MYO19: variants seen among roughly 807,000 people sequenced by gnomAD.
MYO19 encodes unconventional myosin-XIX.
MYO19 carries 132 observed loss-of-function variants against 129.2 expected under a neutral mutation model. The observed-to-expected ratio is 1.02, with a 90% CI of 0.89 to 1.18. The LOEUF is 1.18. Among genes scored for constraint, MYO19 ranks in the 50% most tolerant of loss-of-function variants. MYO19 has a pLI of 0.00. For missense variants in MYO19, 1,210 were observed against 1,216.7 expected (o/e 0.99, Z 0.08); for synonymous variants, 531 against 477.2 (o/e 1.11, Z -1.47).
intron 23 of MYO19, chr17:36,500,575 A>G: frequency 2.0e-6 from 1 of 490,234 alleles, no homozygotes; most frequent in Non-Finnish European, 3.5e-6. Flanking sequence ...AAGGAATTAA[A>G]GACAACGCTT....
intron 11 of MYO19, chr17:36,512,641 TTC>T: frequency 7.8e-7 from 1 of 1,288,786 alleles, no homozygotes; most frequent in Non-Finnish European, 1.0e-6. Context: ...GGTACTGTCC[TTC>T]TGTCAAGTTC....
chr17:36,531,444 C>A (rs1238244026), intron 3 of MYO19, among the ~76,000 whole-genome samples: 2 of 148,212 alleles, frequency 1.3e-5, no homozygotes, highest in African/African-American at 2.5e-5. Context: ...GCAAAAGGAG[C>A]ATAAAAATCC....
At position 36,513,454 on chromosome 17, in the gene MYO19, G is replaced by A. The variant is rs1393613523; in HGVS notation, c.869C>T (p.Thr290Ile). The A allele has an allele frequency of 1.2e-6, 2 of 1,614,054 alleles. No homozygotes were observed. Among genetic ancestry groups the A allele is most frequent in the South Asian group, 2.2e-5 (2 of 91,086 alleles). ...REAMLHLGID[T>I]PTQNNIFKVL... ...CTTAAAGATGTTGTTCTGGGTAGGGGTGTCAATGCCCAAATGGAGCATGGC... is the reference window on the plus strand; with the variant it reads ...CTTAAAGATGTTGTTCTGGGTAGGGATGTCAATGCCCAAATGGAGCATGGC... The change falls in exon 11 of 26, where the codon ACC (threonine) becomes ATC (isoleucine). Residue 290 changes from threonine (T) to isoleucine (I), a missense_variant. Physicochemically the swap from Thr to Ile is moderately conservative, Grantham distance 89. Transcript: ENST00000614623.
At position 36,507,788 on chromosome 17, in the gene MYO19, C is replaced by T. The variant is rs779717578; in HGVS notation, c.1353+15G>A. 3 of 1,594,520 alleles carry T rather than the reference C, an allele frequency of 1.9e-6. No homozygotes were observed. The highest frequency in any genetic ancestry group is 2.6e-6 in the Non-Finnish European group (3 of 1,168,898). ...CCAAAAGAAGGACCTGCCTCCTGCT[C>T]ACCCCATCCCTCACCTGCTGGGCCC... On this transcript the variant is annotated intron_variant, in intron 15 of 25. Coordinates refer to ENST00000614623, the MANE Select transcript of MYO19 (RefSeq NM_001163735.2).
intron 6 of MYO19, among the ~76,000 whole-genome samples, chr17:36,523,184 A>G (rs1269792247): frequency 5.9e-4 from 3 of 5,098 alleles, no homozygotes; most frequent in Non-Finnish European, 1.9e-3. Flanking sequence ...CCCTGTCTCA[A>G]AAAAAAAAAA....
At chr17:36,500,785 C>T (rs752773658) in intron 23 of MYO19, 45 bp downstream of exon 23, 1 of 1,572,068 alleles carries the variant, frequency 6.4e-7, no homozygotes, top group Non-Finnish European at 8.6e-7. Flanking sequence ...AACCAACATC[C>T]TGTGGGGTCT....
At chr17:36,503,838 CTT>C in intron 20 of MYO19, 110 bp downstream of exon 20, 1 of 895,586 alleles carries the variant, frequency 1.1e-6, no homozygotes, top group East Asian at 3.0e-5. Context: ...AGACCAGCCT[CTT>C]TCTCTTCATT....
Position 36,514,497 on chromosome 17 carries a change from A to G in MYO19, c.669T>C (p.Thr223=). ...AAVQTYLLEK[T]RVACQASSER... ...CACTGGAAGCCTGGCAGGCCACTCG[A>G]GTTTTCTCTAGGAGGTAGGTCTGGA... Residue 223 remains threonine, a synonymous_variant, in exon 9 of 26, where the codon ACT becomes ACC. Transcript: ENST00000614623. 6.2e-7 allele frequency: 1 copy of G among 1,613,662 alleles called. No individual in the cohort carries two copies. Among genetic ancestry groups the G allele is most frequent in the Non-Finnish European group, 8.5e-7 (1 of 1,179,668 alleles).
In MYO19 at chr17:36,510,786, C is replaced by T; in HGVS notation, c.1117G>A (p.Asp373Asn). ...FRKPCARAECDTRRDCLAKLI... is the reference protein window; with the variant it reads ...FRKPCARAECNTRRDCLAKLI... ...TTGGCCAGGCAGTCTCTACGGGTGT[C>T]ACACTCGGCTCGGGCGCAGGGCTTC... The change falls in exon 13 of 26, where the codon GAC becomes AAC. Residue 373 changes from aspartate to asparagine, a missense_variant. Physicochemically the swap from Asp to Asn is conservative, Grantham distance 23. Transcript: ENST00000614623. The T allele has an allele frequency of 1.2e-6, 2 of 1,607,232 alleles. No homozygotes were observed. Among genetic ancestry groups the T allele is most frequent in the Non-Finnish European group, 1.7e-6 (2 of 1,176,934 alleles).
In MYO19 at chr17:36,509,017, T is replaced by C. The variant is rs962310971; in HGVS notation, c.1231+45A>G. The C allele has an allele frequency of 3.2e-6, 5 of 1,563,866 alleles. No homozygotes were observed. In the East Asian group the frequency reaches 6.8e-5, roughly 21 times the overall value. On this transcript the variant is annotated intron_variant, in intron 14 of 25. Coordinates refer to ENST00000614623, the MANE Select transcript of MYO19 (RefSeq NM_001163735.2). ...TCCTGCCTCTCCATCCAGGGCTTTA[T>C]TGCTCTTTTTCTGGAGTGCTCCCAG...
intron 13 of MYO19, 82 bp from the exon 14 acceptor site, chr17:36,509,217 GC>G: frequency 1.4e-5 from 18 of 1,259,976 alleles, no homozygotes; most frequent in Non-Finnish European, 1.8e-5. Flanking sequence ...CCATCAGGGT[GC>G]TACACCCTGG....
intron 6 of MYO19, among the ~76,000 whole-genome samples, chr17:36,518,103 AG>A (rs1353107357): frequency 8.2e-4 from 124 of 151,186 alleles, no homozygotes; most frequent in Non-Finnish European, 2.8e-4. Flanking sequence ...AAAAAAAAAA[AG>A]AGGTAATGAA....
At chr17:36,515,010 A>T in intron 8 of MYO19, 103 bp downstream of exon 8, 2 of 968,520 alleles carry the variant, frequency 2.1e-6, no homozygotes, top group Non-Finnish European at 3.1e-6. Flanking sequence ...CAGGAGGAGC[A>T]GGGTTTTTGC....
chr17:36,512,196 AACACACAC>A (rs57765074), intron 11 of MYO19, among the ~76,000 whole-genome samples: 40,775 of 138,042 alleles, frequency 0.3, 7,009 homozygotes, highest in Non-Finnish European at 0.4. Flanking sequence ...ACTAAAAATA[AACACACAC>A]ACACACACAC....
At chr17:36,518,602 A>G (rs989385567) in intron 6 of MYO19, among the ~76,000 whole-genome samples, 2 of 144,314 alleles carry the variant, frequency 1.4e-5, no homozygotes, top group African/African-American at 5.1e-5. Context: ...ATATATATAT[A>G]AAAGTATGTA....
intron 11 of MYO19, 31 bp downstream of exon 11, chr17:36,513,398 C>G: frequency 6.2e-7 from 1 of 1,613,994 alleles, no homozygotes. Flanking sequence ...TCATCTCTGC[C>G]AAACTTAAGT....
intron 9 of MYO19, 24 bp downstream of exon 9, chr17:36,514,422 G>C (rs755326293): frequency 6.7e-7 from 1 of 1,481,482 alleles, no homozygotes; most frequent in East Asian, 2.3e-5. Context: ...CATCTGGGGG[G>C]CTGTGGCCCC....
intron 11 of MYO19, among the ~76,000 whole-genome samples, chr17:36,512,418 C>T (rs542837170): frequency 1.3e-5 from 2 of 151,650 alleles, no homozygotes; most frequent in Admixed American, 1.3e-4. Flanking sequence ...GAAAAAACCA[C>T]CACCCTCAGA....
At chr17:36,536,778 G>T (rs2074142588), upstream of MYO19, among the ~76,000 whole-genome samples, 1 of 152,184 alleles carries the variant, frequency 6.6e-6, no homozygotes, top group African/African-American at 2.4e-5. Flanking sequence ...GCCTCCCGAA[G>T]TGCTAGGATT....
Sources: allele counts gnomAD v4.1 joint callset (sites outside exome capture counted in the v4.1 genomes callset), GRCh38; gene constraint gnomAD v4.1.1; transcripts MANE v1.5; gene names NCBI Gene and HGNC (gene_info 2026-07-23, HGNC 2026-07-21).